AGBL1: variants seen among roughly 807,000 people sequenced by gnomAD.
AGBL1 encodes the protein AGBL carboxypeptidase 1, also known as cytosolic carboxypeptidase 4.
Under a neutral mutation model 118.9 loss-of-function variants are expected in AGBL1, and 130 were observed. The observed-to-expected ratio is 1.09, with a 90% CI of 0.95 to 1.26. AGBL1 has a LOEUF of 1.26. AGBL1 is among the 50% of genes most tolerant of loss of function. The probability of loss-of-function intolerance (pLI) is 0.00; values close to 1 mark genes in which losing one functional copy is unlikely to be tolerated. For missense variants in AGBL1, 1,584 were observed against 1,298.1 expected (o/e 1.22, Z -3.38); for synonymous variants, 555 against 478.9 (o/e 1.16, Z -2.08).
At chr15:86,511,208 C>G (rs1330133026) in intron 18 of AGBL1, among the ~76,000 whole-genome samples, 1 of 151,906 alleles carries the variant, frequency 6.6e-6, no homozygotes, top group Non-Finnish European at 1.5e-5. Flanking sequence ...AGAAGAAAAC[C>G]ACAAGGATGT....
intron 23 of AGBL1, among the ~76,000 whole-genome samples, chr15:86,928,333 C>A (rs141563945): frequency 1.3e-5 from 2 of 152,110 alleles, no homozygotes; most frequent in Admixed American, 6.5e-5. Context: ...ACACAGCTCA[C>A]GGTGGAAGGG....
intron 22 of AGBL1, among the ~76,000 whole-genome samples, chr15:86,870,060 T>C (rs1398893923): frequency 6.6e-6 from 1 of 152,158 alleles, no homozygotes; most frequent in Admixed American, 6.5e-5. Context: ...CTATTTAGAC[T>C]GCAGGGCCTT....
chr15:86,215,610 A>G (rs575765757), intron 5 of AGBL1, among the ~76,000 whole-genome samples: 63 of 152,302 alleles, frequency 4.1e-4, no homozygotes, highest in Non-Finnish European at 7.8e-4. Flanking sequence ...GAAGTTCCAG[A>G]TCTGCTGCTT....
At chr15:86,528,448 G>T (rs1431259723) in intron 19 of AGBL1, among the ~76,000 whole-genome samples, 1 of 152,082 alleles carries the variant, frequency 6.6e-6, no homozygotes, top group East Asian at 1.9e-4. Context: ...ACCTGGCTCG[G>T]AGGGTCCTAC....
chr15:86,626,014 A>C (rs1468328112), intron 21 of AGBL1, among the ~76,000 whole-genome samples: 2 of 152,196 alleles, frequency 1.3e-5, no homozygotes, highest in African/African-American at 4.8e-5. Flanking sequence ...GTAATAACAC[A>C]AAGGATGAGC....
chr15:86,874,843 C>T (rs1323392224), intron 22 of AGBL1, among the ~76,000 whole-genome samples: 3 of 152,086 alleles, frequency 2.0e-5, no homozygotes. Flanking sequence ...AATCCTATTA[C>T]TTTTAAAAAT....
At chr15:86,245,448 G>C (rs1043805145) in intron 6 of AGBL1, among the ~76,000 whole-genome samples, 2 of 152,208 alleles carry the variant, frequency 1.3e-5, no homozygotes, top group Non-Finnish European at 1.5e-5. Context: ...TTCTGACTGA[G>C]AGTCAGCAGG....
chr15:86,461,028 G>T (rs2142085258), intron 18 of AGBL1, among the ~76,000 whole-genome samples: 1 of 152,248 alleles, frequency 6.6e-6, no homozygotes, highest in South Asian at 2.1e-4. Context: ...TTTCTTCTTT[G>T]TTTTGGATAT....
intron 19 of AGBL1, among the ~76,000 whole-genome samples, chr15:86,532,950 A>C (rs1271682092): frequency 2.1e-5 from 2 of 95,346 alleles, no homozygotes; most frequent in Non-Finnish European, 4.0e-5. Flanking sequence ...CACCTTATAC[A>C]AAAATCAATT....
chr15:86,096,513 T>C (rs901741986), intron 1 of AGBL1, among the ~76,000 whole-genome samples: 5 of 152,190 alleles, frequency 3.3e-5, no homozygotes, highest in Admixed American at 6.5e-5. Context: ...AGGCAGTCTT[T>C]TGGGTAAAAT....
intron 17 of AGBL1, among the ~76,000 whole-genome samples, chr15:86,341,417 G>C (rs1485678830): frequency 6.6e-6 from 1 of 152,028 alleles, no homozygotes; most frequent in African/African-American, 2.4e-5. Context: ...GGTCATTCTT[G>C]GGTCCTGAGT....
chr15:86,101,962 C>T (rs974071267), intron 1 of AGBL1, among the ~76,000 whole-genome samples: 1 of 150,582 alleles, frequency 6.6e-6, no homozygotes, highest in Non-Finnish European at 1.5e-5. Flanking sequence ...TTGTTCCTTT[C>T]TTTCTCTCAC....
chr15:86,752,293 A>G (rs1029324493), intron 22 of AGBL1, among the ~76,000 whole-genome samples: 1 of 152,094 alleles, frequency 6.6e-6, no homozygotes, highest in African/African-American at 2.4e-5. Flanking sequence ...CTGTGTATCC[A>G]TCTTTTCAGT....
At chr15:87,013,498 A>G (rs2081581946) in intron 24 of AGBL1, among the ~76,000 whole-genome samples, 1 of 150,692 alleles carries the variant, frequency 6.6e-6, no homozygotes, top group South Asian at 2.1e-4. Flanking sequence ...CATTAGAGCA[A>G]AATAATAATC....
intron 17 of AGBL1, 126 bp from the exon 18 acceptor site, chr15:86,397,240 C>A (rs774526987): frequency 4.9e-5 from 34 of 691,498 alleles, no homozygotes; most frequent in Non-Finnish European, 6.8e-5. Flanking sequence ...AAATTCAAAA[C>A]CTACAATGGA....
At chr15:86,474,263 G>A (rs149494253) in intron 18 of AGBL1, among the ~76,000 whole-genome samples, 13 of 152,262 alleles carry the variant, frequency 8.5e-5, no homozygotes, top group Admixed American at 3.9e-4. Context: ...AGTGTCAGCC[G>A]AAGAAGGGCA....
At chr15:86,400,281 C>G (rs2081424703) in intron 18 of AGBL1, among the ~76,000 whole-genome samples, 1 of 152,086 alleles carries the variant, frequency 6.6e-6, no homozygotes, top group African/African-American at 2.4e-5. Flanking sequence ...TGGATAAAAT[C>G]TAATCCCCCT....
chr15:86,100,152 A>G (rs1295964548), intron 1 of AGBL1, among the ~76,000 whole-genome samples: 3 of 152,058 alleles, frequency 2.0e-5, no homozygotes, highest in Non-Finnish European at 4.4e-5. Flanking sequence ...TGAATTGTGT[A>G]TGTTGAACCA....
At chr15:86,385,731 T>G (rs1416348526) in intron 17 of AGBL1, among the ~76,000 whole-genome samples, 1 of 152,102 alleles carries the variant, frequency 6.6e-6, no homozygotes, top group African/African-American at 2.4e-5. Context: ...ACTTCATGGA[T>G]GAAGACTCTC....
Sources: allele counts gnomAD v4.1 joint callset (sites outside exome capture counted in the v4.1 genomes callset), GRCh38; gene constraint gnomAD v4.1.1; transcripts MANE v1.5; gene names NCBI Gene and HGNC (gene_info 2026-07-23, HGNC 2026-07-21).